Variants in EXOC6B observed in about 807,000 individuals in gnomAD.
EXOC6B encodes the protein exocyst complex component 6B.
In EXOC6B, 54 loss-of-function variants were observed where a neutral mutation model predicts 113.5. The ratio of observed to expected loss-of-function variants is 0.48; its 90% CI spans 0.38 to 0.60. The LOEUF is 0.60. Ranked by LOEUF, EXOC6B falls within the 20% of genes least tolerant of loss-of-function variation. The pLI is 0.00. For missense variants in EXOC6B, 797 were observed against 977.5 expected (o/e 0.82, Z 2.46); for synonymous variants, 357 against 339.0 (o/e 1.05, Z -0.58).
intron 8 of EXOC6B, among the ~76,000 whole-genome samples, chr2:72,531,608 T>C (rs1304478064): frequency 6.6e-6 from 1 of 152,234 alleles, no homozygotes; most frequent in Non-Finnish European, 1.5e-5. Flanking sequence ...AGTGGAAATC[T>C]AGAAATCCTC....
At chr2:72,800,194 T>C (rs973107455) in intron 1 of EXOC6B, among the ~76,000 whole-genome samples, 2 of 152,220 alleles carry the variant, frequency 1.3e-5, no homozygotes, top group Non-Finnish European at 2.9e-5. Flanking sequence ...CTGTAAAGAA[T>C]AAAATATATA....
At chr2:72,295,088 G>A (rs1402635114) in intron 20 of EXOC6B, among the ~76,000 whole-genome samples, 3 of 151,658 alleles carry the variant, frequency 2.0e-5, no homozygotes, top group East Asian at 3.9e-4. Context: ...AAAATTAGCC[G>A]GGCATAGTGG....
intron 20 of EXOC6B, among the ~76,000 whole-genome samples, chr2:72,299,296 T>C (rs1015870759): frequency 6.6e-6 from 1 of 151,894 alleles, no homozygotes; most frequent in Admixed American, 6.6e-5. Context: ...TACTTGTATA[T>C]GCTTCACAAA....
At chr2:72,663,621 TTC>T (rs1675177377) in intron 6 of EXOC6B, among the ~76,000 whole-genome samples, 2 of 152,158 alleles carry the variant, frequency 1.3e-5, no homozygotes. Context: ...AGCTGTTTGA[TTC>T]CAAATGTATT....
intron 1 of EXOC6B, among the ~76,000 whole-genome samples, chr2:72,824,507 T>C (rs7563870): frequency 0.049 from 7,430 of 152,102 alleles, 607 homozygotes; most frequent in African/African-American, 0.17. Context: ...CTGGCAGAAA[T>C]GTGCTAACAA....
intron 18 of EXOC6B, among the ~76,000 whole-genome samples, chr2:72,443,715 T>G (rs966290545): frequency 1.3e-5 from 2 of 152,062 alleles, no homozygotes. Context: ...GCAGGGGAAC[T>G]CCCCTTTTTA....
intron 20 of EXOC6B, among the ~76,000 whole-genome samples, chr2:72,253,377 C>G (rs1244477447): frequency 6.6e-6 from 1 of 152,160 alleles, no homozygotes; most frequent in Non-Finnish European, 1.5e-5. Context: ...ATCATTCTAC[C>G]ATAAAGACAC....
intron 6 of EXOC6B, among the ~76,000 whole-genome samples, chr2:72,702,235 TACAA>T (rs1353730068): frequency 1.3e-5 from 2 of 151,536 alleles, no homozygotes; most frequent in African/African-American, 2.4e-5. Flanking sequence ...TCCATGTCCC[TACAA>T]AGGACATGAA....
intron 6 of EXOC6B, among the ~76,000 whole-genome samples, chr2:72,630,304 T>C (rs1672307903): frequency 6.6e-6 from 1 of 152,198 alleles, no homozygotes. Context: ...AAATGTGTGG[T>C]CTACCAATAT....
intron 18 of EXOC6B, among the ~76,000 whole-genome samples, chr2:72,380,390 A>C (rs939148789): frequency 6.6e-6 from 1 of 152,236 alleles, no homozygotes; most frequent in Non-Finnish European, 1.5e-5. Context: ...CTGTAATACC[A>C]GCACTTTGGG....
At chr2:72,427,442 C>CCCCAATCCTGGTG in intron 18 of EXOC6B, among the ~76,000 whole-genome samples, 1 of 152,200 alleles carries the variant, frequency 6.6e-6, no homozygotes, top group African/African-American at 2.4e-5. Flanking sequence ...CCTGGCCTCT[C>CCCCAATCCTGGTG]CCCACTCCTG....
intron 1 of EXOC6B, among the ~76,000 whole-genome samples, chr2:72,797,406 TAA>T (rs1685022177): frequency 6.6e-6 from 1 of 152,200 alleles, no homozygotes; most frequent in Non-Finnish European, 1.5e-5. Flanking sequence ...AATAAAAAGA[TAA>T]GAGAAGGTCT....
intron 18 of EXOC6B, among the ~76,000 whole-genome samples, chr2:72,391,288 A>G (rs1353374154): frequency 6.7e-6 from 1 of 148,912 alleles, no homozygotes; most frequent in Non-Finnish European, 1.5e-5. Context: ...CTACCTCAAC[A>G]TTTTTTGAAA....
At chr2:72,486,575 G>A (rs527720941) in intron 16 of EXOC6B, among the ~76,000 whole-genome samples, 1 of 152,044 alleles carries the variant, frequency 6.6e-6, no homozygotes, top group Non-Finnish European at 1.5e-5. Flanking sequence ...TGTAGGTTTA[G>A]CTGAAGACCC....
chr2:72,695,579 C>CA (rs754390777), intron 6 of EXOC6B, among the ~76,000 whole-genome samples: 4 of 151,572 alleles, frequency 2.6e-5, no homozygotes, highest in African/African-American at 9.7e-5. Context: ...CATAAGTATC[C>CA]AAAAATAAAC....
chr2:72,697,609 G>A (rs1573640956), intron 6 of EXOC6B, among the ~76,000 whole-genome samples: 1 of 152,212 alleles, frequency 6.6e-6, no homozygotes, highest in East Asian at 1.9e-4. Context: ...GCTTGAGCCT[G>A]GGAGGCAGAG....
At chr2:72,273,208 A>G (rs1684602768) in intron 20 of EXOC6B, among the ~76,000 whole-genome samples, 1 of 152,194 alleles carries the variant, frequency 6.6e-6, no homozygotes, top group African/African-American at 2.4e-5. Flanking sequence ...CAGGACATAT[A>G]TCAATGTAAA....
chr2:72,421,523 A>G (rs1408426866), intron 18 of EXOC6B, among the ~76,000 whole-genome samples: 1 of 152,250 alleles, frequency 6.6e-6, no homozygotes, highest in Admixed American at 6.5e-5. Context: ...TGACTAATTG[A>G]CATTTTACAA....
intron 1 of EXOC6B, among the ~76,000 whole-genome samples, chr2:72,780,741 G>A (rs1558996249): frequency 6.6e-6 from 1 of 152,192 alleles, no homozygotes; most frequent in East Asian, 1.9e-4. Flanking sequence ...TGATATGCTT[G>A]CTTTATCTAA....
Sources: gnomAD v4.1 joint callset for allele counts (sites outside exome capture counted in the v4.1 genomes callset) on GRCh38, gnomAD v4.1.1 for gene constraint, MANE v1.5 for transcripts, NCBI Gene and HGNC (gene_info 2026-07-23, HGNC 2026-07-21) for gene names.